CA10: variants seen among roughly 807,000 people sequenced by gnomAD.
CA10 encodes carbonic anhydrase 10 (inactive).
In CA10, 14 loss-of-function variants were observed where a neutral mutation model predicts 44.2. The ratio of observed to expected loss-of-function variants is 0.32; its 90% confidence interval spans 0.21 to 0.50. CA10 has a LOEUF of 0.50. CA10 is among the 20% of genes least tolerant of loss of function. The probability of loss-of-function intolerance (pLI) is 0.99; values close to 1 mark genes in which losing one functional copy is unlikely to be tolerated. For synonymous variants in CA10, 159 were observed against 141.6 expected, an observed-to-expected ratio of 1.12 and a Z score of -0.87; for missense variants, 350 against 409.7, an observed-to-expected ratio of 0.85 and a Z score of 1.26.
At chr17:51,872,054 T>A (rs1979842606) in intron 3 of CA10, among the ~76,000 whole-genome samples, 2 of 152,170 alleles carry the variant, frequency 1.3e-5, no homozygotes, top group African/African-American at 2.4e-5. Context: ...GGATTTTTTT[T>A]ATTGGTAAAG....
intron 2 of CA10, among the ~76,000 whole-genome samples, chr17:51,946,869 G>C (rs545740748): frequency 6.6e-6 from 1 of 152,128 alleles, no homozygotes; most frequent in Non-Finnish European, 1.5e-5. Flanking sequence ...AATGAGGAGT[G>C]AATTTTTAAG....
intron 3 of CA10, among the ~76,000 whole-genome samples, chr17:51,757,735 C>T (rs983725005): frequency 1.4e-4 from 22 of 152,306 alleles, no homozygotes; most frequent in Non-Finnish European, 3.2e-4. Context: ...AGATACTGGG[C>T]TCTTCTCACT....
At chr17:51,721,711 T>A (rs1023670142) in intron 4 of CA10, among the ~76,000 whole-genome samples, 2 of 152,006 alleles carry the variant, frequency 1.3e-5, no homozygotes, top group Admixed American at 6.6e-5. Flanking sequence ...TAATTATTTT[T>A]AAAAAAAGTC....
intron 2 of CA10, among the ~76,000 whole-genome samples, chr17:51,971,992 T>C (rs1984296329): frequency 2.0e-5 from 3 of 152,028 alleles, no homozygotes; most frequent in Admixed American, 1.3e-4. Flanking sequence ...CACACTAGAG[T>C]GGGATTAAAA....
chr17:52,113,962 T>C (rs77680977), intron 1 of CA10, among the ~76,000 whole-genome samples: 2 of 152,146 alleles, frequency 1.3e-5, no homozygotes, highest in Non-Finnish European at 2.9e-5. Flanking sequence ...CATGCTCCTG[T>C]AGCAAAAACA....
chr17:52,054,984 T>C (rs963353931), intron 2 of CA10, among the ~76,000 whole-genome samples: 1 of 152,036 alleles, frequency 6.6e-6, no homozygotes, highest in African/African-American at 2.4e-5. Flanking sequence ...TTCTTAGCAT[T>C]TACAGATCAG....
intron 3 of CA10, among the ~76,000 whole-genome samples, chr17:51,819,950 C>G (rs1046131324): frequency 6.6e-6 from 1 of 152,074 alleles, no homozygotes; most frequent in Non-Finnish European, 1.5e-5. Flanking sequence ...CTCTCTGTCT[C>G]TCCCTTTGTC....
chr17:52,153,656 T>C (rs1281311921), intron 1 of CA10, among the ~76,000 whole-genome samples: 1 of 152,134 alleles, frequency 6.6e-6, no homozygotes, highest in Non-Finnish European at 1.5e-5. Flanking sequence ...GAAAATAGGG[T>C]TTGTGCTCAA....
chr17:51,855,707 C>G (rs1255773689), intron 3 of CA10, among the ~76,000 whole-genome samples: 2 of 152,194 alleles, frequency 1.3e-5, no homozygotes, highest in Non-Finnish European at 2.9e-5. Flanking sequence ...ATTCATGGAG[C>G]TGCAGAGTTT....
rs187377151 is a variant in CA10, at chr17:51,744,057, C to T, written c.465+3576G>A. ...AATCATGGATTGGTGCAGTGGCTCA[C>T]GCCTGTAATCTCAGCACTTCGGGAG... On this transcript the variant is annotated intron_variant, in intron 4 of 8. Transcript: ENST00000451037. 9.9e-5 allele frequency among the ~76,000 whole-genome samples: 15 copies of T among 152,262 alleles called. 1 individual carries two copies. The highest frequency in any genetic ancestry group is 8.5e-4 in the Admixed American group (13 of 15,280).
chr17:51,933,268 A>G (rs1474268074), intron 2 of CA10, among the ~76,000 whole-genome samples: 4 of 152,194 alleles, frequency 2.6e-5, no homozygotes, highest in Non-Finnish European at 5.9e-5. Flanking sequence ...GAGATTATCT[A>G]GGATTATCTG....
chr17:51,794,828 T>C (rs1206547571), intron 3 of CA10, among the ~76,000 whole-genome samples: 1 of 152,210 alleles, frequency 6.6e-6, no homozygotes, highest in Non-Finnish European at 1.5e-5. Context: ...GGCATTTCCA[T>C]GTCTGTAAGG....
chr17:51,841,504 G>A (rs1469423760), intron 3 of CA10, among the ~76,000 whole-genome samples: 3 of 152,136 alleles, frequency 2.0e-5, no homozygotes, highest in Non-Finnish European at 4.4e-5. Flanking sequence ...GGTAAGTGTG[G>A]GAAGACAAAC....
chr17:51,660,857 C>G (rs775026932), intron 4 of CA10, among the ~76,000 whole-genome samples: 1 of 152,116 alleles, frequency 6.6e-6, no homozygotes, highest in Non-Finnish European at 1.5e-5. Flanking sequence ...GTCTTTCTTT[C>G]AGCCTCCCTT....
chr17:52,030,899 C>T lies in CA10; in HGVS notation c.136+41420G>A, dbSNP rs201350706. 2.9e-3 allele frequency among the ~76,000 whole-genome samples: 436 copies of T among 152,250 alleles called. 1 individual carries two copies. Among genetic ancestry groups the T allele is most frequent in the Non-Finnish European group, 5.1e-3 (348 of 68,026 alleles). ...ATGGAATGGGGATTGTCATAAGCTTCCTTAGATCTAAGGCCTTCAGTCTTG... is the reference window on the plus strand; with the variant it reads ...ATGGAATGGGGATTGTCATAAGCTTTCTTAGATCTAAGGCCTTCAGTCTTG... On this transcript the variant is annotated intron_variant, in intron 2 of 8. Coordinates refer to ENST00000451037, the MANE Select transcript of CA10 (RefSeq NM_020178.5).
At chr17:51,789,639 C>T (rs1906432659) in intron 3 of CA10, among the ~76,000 whole-genome samples, 1 of 152,186 alleles carries the variant, frequency 6.6e-6, no homozygotes, top group Admixed American at 6.5e-5. Context: ...TGCCTCCACT[C>T]CACCTGACTA....
chr17:51,680,645 C>T (rs894772277), intron 4 of CA10, among the ~76,000 whole-genome samples: 12 of 152,132 alleles, frequency 7.9e-5, no homozygotes, highest in African/African-American at 2.9e-4. Context: ...GATACTTACT[C>T]CCCAGGAGTC....
chr17:51,829,162 T>C (rs1449349146), intron 3 of CA10, among the ~76,000 whole-genome samples: 2 of 152,236 alleles, frequency 1.3e-5, no homozygotes, highest in African/African-American at 4.8e-5. Flanking sequence ...ATGTACTGTT[T>C]GGTTGTTTAC....
At chr17:51,854,344 G>A (rs1206397693) in intron 3 of CA10, among the ~76,000 whole-genome samples, 1 of 152,170 alleles carries the variant, frequency 6.6e-6, no homozygotes, top group Non-Finnish European at 1.5e-5. Context: ...CTAGGATTAG[G>A]TCTAGGCATT....
Sources: gnomAD v4.1 joint callset for allele counts (sites outside exome capture counted in the v4.1 genomes callset) on GRCh38, gnomAD v4.1.1 for gene constraint, MANE v1.5 for transcripts, NCBI Gene and HGNC (gene_info 2026-07-23, HGNC 2026-07-21) for gene names.